The following SLC44A5 variants were observed in gnomAD, a reference collection of about 807,000 sequenced individuals.
SLC44A5 encodes choline transporter-like protein 5.
In SLC44A5, 57 loss-of-function variants were observed where a neutral mutation model predicts 101.8. That is an observed-to-expected ratio of 0.56 (90% CI 0.45 to 0.70). The LOEUF is 0.70. Ranked by LOEUF, SLC44A5 falls within the 30% of genes least tolerant of loss-of-function variation. The probability of loss-of-function intolerance (pLI) is 0.00; values close to 1 mark genes in which losing one functional copy is unlikely to be tolerated. For synonymous variants in SLC44A5, 281 were observed against 290.9 expected, an observed-to-expected ratio of 0.97 and a Z score of 0.35; for missense variants, 737 against 853.1, an observed-to-expected ratio of 0.86 and a Z score of 1.70.
intron 1 of SLC44A5, among the ~76,000 whole-genome samples, chr1:75,610,063 G>T: frequency 6.6e-6 from 1 of 150,972 alleles, no homozygotes; most frequent in Non-Finnish European, 1.5e-5. Context: ...CTAGCAAGTT[G>T]TTGCTATTAG....
chr1:75,434,485 G>T (rs914789736), intron 2 of SLC44A5, among the ~76,000 whole-genome samples: 3 of 151,940 alleles, frequency 2.0e-5, no homozygotes, highest in African/African-American at 7.3e-5. Flanking sequence ...CTGCACAACT[G>T]CTCAATACAT....
chr1:75,592,398 T>C (rs1674403720), intron 1 of SLC44A5, among the ~76,000 whole-genome samples: 1 of 151,992 alleles, frequency 6.6e-6, no homozygotes, highest in African/African-American at 2.4e-5. Context: ...AATATGAATA[T>C]TGTTAAAATG....
At chr1:75,650,800 T>C in the SLC44A5 span, among the ~76,000 whole-genome samples, 1 of 152,246 alleles carries the variant, frequency 6.6e-6, no homozygotes, top group African/African-American at 2.4e-5. Flanking sequence ...TTTTGTTTTG[T>C]TGAGACTGAT....
rs80289623 is a variant in SLC44A5 at position 75,217,170 on chromosome 1, A to T, written c.1624+696T>A. ...TTGAACTTCATTCTTTTGCATGTGG[A>T]TATCCCATTTTCCCAGCACCATTAG... On this transcript the variant is annotated intron_variant, in intron 18 of 23. Transcript: ENST00000370859. 1.7e-3 allele frequency among the ~76,000 whole-genome samples: 252 copies of T among 152,070 alleles called. 2 individuals are homozygous for T. Among genetic ancestry groups the T allele is most frequent in the African/African-American group, 5.8e-3 (242 of 41,522 alleles).
chr1:75,684,811 A>G, the SLC44A5 span, among the ~76,000 whole-genome samples: 65 of 152,160 alleles, frequency 4.3e-4, 2 homozygotes, highest in East Asian at 0.011. Flanking sequence ...CAGTGGTTCT[A>G]CCATTCCGGA....
chr1:75,582,247 G>C (rs1376556108), intron 1 of SLC44A5: 13 of 1,471,454 alleles, frequency 8.8e-6, no homozygotes, highest in Non-Finnish European at 1.1e-5. Flanking sequence ...AGCACAACAA[G>C]AAGGGCCTAA....
At chr1:75,599,228 T>C (rs954075314) in intron 1 of SLC44A5, among the ~76,000 whole-genome samples, 8 of 152,134 alleles carry the variant, frequency 5.3e-5, no homozygotes, top group Admixed American at 5.2e-4. Context: ...AATGGGTATC[T>C]AGGAAGGGAC....
rs1050898400 is a variant in SLC44A5 at position 75,317,569 on chromosome 1, T to G, written c.102-16884A>C. Among the ~76,000 whole-genome samples the G allele has an allele frequency of 3.9e-5, 6 of 152,270 alleles. No individual in the cohort carries two copies. The East Asian group carries it at 1.2e-3, about 29-fold the overall frequency. On this transcript the variant is annotated intron_variant, in intron 4 of 23. Coordinates refer to ENST00000370859, the MANE Select transcript of SLC44A5 (RefSeq NM_001130058.2). ...AATTTAAAAGCACTATTCTGGTGGGTGGGCAGAGTGAACATCCTAGATGTC... is the reference window on the plus strand; with the variant it reads ...AATTTAAAAGCACTATTCTGGTGGGGGGGCAGAGTGAACATCCTAGATGTC...
At chr1:75,525,628 G>A (rs1220699726) in intron 2 of SLC44A5, among the ~76,000 whole-genome samples, 3 of 152,128 alleles carry the variant, frequency 2.0e-5, no homozygotes, top group African/African-American at 7.2e-5. Context: ...AAAAAAGAGA[G>A]AGAATGAGAG....
chr1:75,677,321 T>A, the SLC44A5 span, among the ~76,000 whole-genome samples: 1 of 152,148 alleles, frequency 6.6e-6, no homozygotes, highest in Non-Finnish European at 1.5e-5. Flanking sequence ...ATAAGATAAA[T>A]GGAAACAACA....
intron 3 of SLC44A5, among the ~76,000 whole-genome samples, chr1:75,351,139 A>AT (rs1658623949): frequency 6.6e-6 from 1 of 151,880 alleles, no homozygotes; most frequent in African/African-American, 2.4e-5. Context: ...TCATAATAAT[A>AT]AAGGTTCAGT....
intron 1 of SLC44A5, 119 bp downstream of exon 1, chr1:75,610,921 A>C: frequency 4.7e-6 from 1 of 213,034 alleles, no homozygotes; most frequent in Non-Finnish European, 8.0e-6. Flanking sequence ...AGACTTCACT[A>C]TATATATGTG....
At chr1:75,646,553 A>C in the SLC44A5 span, among the ~76,000 whole-genome samples, 10 of 152,028 alleles carry the variant, frequency 6.6e-5, no homozygotes, top group Non-Finnish European at 1.3e-4. Flanking sequence ...TTGAATTGCA[A>C]CCCAAATTGT....
chr1:75,280,577 T>A (rs1302576932), intron 5 of SLC44A5, among the ~76,000 whole-genome samples: 2 of 147,254 alleles, frequency 1.4e-5, no homozygotes, highest in Non-Finnish European at 3.0e-5. Context: ...TGATATGGTC[T>A]GGCCTTGTGT....
At chr1:75,696,691 C>A in the SLC44A5 span, among the ~76,000 whole-genome samples, 2 of 151,728 alleles carry the variant, frequency 1.3e-5, no homozygotes, top group Non-Finnish European at 2.9e-5. Flanking sequence ...GTCAGGAGAT[C>A]GAGACCATCC....
chr1:75,282,249 G>C (rs1652664552), intron 5 of SLC44A5, among the ~76,000 whole-genome samples: 1 of 152,212 alleles, frequency 6.6e-6, no homozygotes, highest in African/African-American at 2.4e-5. Flanking sequence ...TTGGATTACA[G>C]ACTTGCATGG....
intron 19 of SLC44A5, among the ~76,000 whole-genome samples, chr1:75,215,444 T>G (rs949158396): frequency 3.3e-5 from 5 of 152,134 alleles, no homozygotes; most frequent in Non-Finnish European, 7.4e-5. Context: ...GATTAAATAC[T>G]CTTTCTTCCC....
chr1:75,647,757 TG>T, the SLC44A5 span, among the ~76,000 whole-genome samples: 3 of 152,202 alleles, frequency 2.0e-5, no homozygotes, highest in African/African-American at 7.2e-5. Context: ...ATAGCCCCTT[TG>T]CTTTGGCCAA....
At chr1:75,281,251 A>G (rs613111) in intron 5 of SLC44A5, among the ~76,000 whole-genome samples, 126,512 of 152,120 alleles carry the variant, frequency 0.83, 52,890 homozygotes, top group East Asian at 0.97. Flanking sequence ...GGGAACTGGA[A>G]CAAAAGTGAC....
Sources: gnomAD v4.1 joint callset for allele counts (sites outside exome capture counted in the v4.1 genomes callset) on GRCh38, gnomAD v4.1.1 for gene constraint, MANE v1.5 for transcripts, NCBI Gene and HGNC (gene_info 2026-07-23, HGNC 2026-07-21) for gene names.